MGMT: variants seen among roughly 807,000 people sequenced by gnomAD.
The protein encoded by MGMT is methylated-DNA--protein-cysteine methyltransferase.
MGMT carries 14 observed loss-of-function variants against 15.9 expected under a neutral mutation model. The ratio of observed to expected loss-of-function variants is 0.88; its 90% CI spans 0.58 to 1.37. The LOEUF (loss-of-function observed/expected upper bound fraction) is 1.37, where lower values mean the gene tolerates loss of function less well. Among genes scored for constraint, MGMT ranks in the 40% most tolerant of loss-of-function variants. The pLI is 0.00. For missense variants in MGMT, 282 were observed against 268.1 expected (o/e 1.05, Z -0.36); for synonymous variants, 130 against 118.2 (o/e 1.10, Z -0.65).
chr10:129,504,208 A>T (rs1433067309), intron 1 of MGMT, among the ~76,000 whole-genome samples: 1 of 152,254 alleles, frequency 6.6e-6, no homozygotes, highest in African/African-American at 2.4e-5. Context: ...AGGTGTATGT[A>T]CCTGGAACAC....
rs1191210306 is a variant in MGMT at position 129,659,015 on chromosome 10, A to G, written c.126-48880A>G. Among the ~76,000 whole-genome samples, 3 of 152,154 alleles carry G rather than the reference A, an allele frequency of 2.0e-5. No individual in the cohort carries two copies. Among genetic ancestry groups the G allele is most frequent in the Non-Finnish European group, 4.4e-5 (3 of 68,028 alleles). The stretch of plus-strand genomic sequence containing the variant: ...ACTAGCTTTGGATTTTGTGGCTGCA[A>G]CAATAACAAAAAAAAATCCTTGGTT... On this transcript the variant is annotated intron_variant, in intron 2 of 4. Coordinates refer to ENST00000651593, the MANE Select transcript of MGMT (RefSeq NM_002412.5). The surrounding 1 kb of genome is among the most constrained non-coding windows in gnomAD (Gnocchi z 4.1).
At chr10:129,507,693 A>G (rs2119689586) in intron 1 of MGMT, among the ~76,000 whole-genome samples, 1 of 152,310 alleles carries the variant, frequency 6.6e-6, no homozygotes, top group Admixed American at 6.5e-5. Context: ...GTGGGCCAAA[A>G]TGACAAATGG....
At chr10:129,587,326 T>G (rs892284216) in intron 2 of MGMT, among the ~76,000 whole-genome samples, 1 of 141,876 alleles carries the variant, frequency 7.0e-6, no homozygotes, top group Non-Finnish European at 1.6e-5. Context: ...ATTTTTTTGT[T>G]TTTTTTGCAG....
chr10:129,718,122 A>G lies in MGMT; in HGVS notation c.274+10079A>G, dbSNP rs148031248. Among the ~76,000 whole-genome samples, 1,169 of 152,344 alleles carry G rather than the reference A, an allele frequency of 7.7e-3. 6 individuals are homozygous for G. The highest frequency in any genetic ancestry group is 0.012 in the Non-Finnish European group (843 of 68,036). On this transcript the variant is annotated intron_variant, in intron 3 of 4. Transcript: ENST00000651593. The stretch of plus-strand genomic sequence containing the variant: ...TGACTTTGGTTTGGCCTCTGAGATA[A>G]TGTCTTGGTTTTAAGGCCAGGACTT...
At chr10:129,705,346 G>T (rs559217662) in intron 2 of MGMT, among the ~76,000 whole-genome samples, 13 of 152,352 alleles carry the variant, frequency 8.5e-5, no homozygotes, top group Admixed American at 8.5e-4. Flanking sequence ...TTTCTGAATG[G>T]ATGTGCCAGG....
intron 2 of MGMT, among the ~76,000 whole-genome samples, chr10:129,567,601 A>G (rs770089225): frequency 2.4e-4 from 36 of 151,948 alleles, no homozygotes; most frequent in Non-Finnish European, 4.3e-4. Context: ...GGGAAAAAAA[A>G]CCTCCTGGAG....
intron 2 of MGMT, among the ~76,000 whole-genome samples, chr10:129,671,220 T>C (rs938671928): frequency 2.0e-5 from 3 of 152,240 alleles, no homozygotes; most frequent in African/African-American, 7.2e-5. Context: ...CTTCCAATTA[T>C]TGTACTAATT....
chr10:129,627,731 T>TG (rs1262376128), intron 2 of MGMT, among the ~76,000 whole-genome samples: 2 of 152,364 alleles, frequency 1.3e-5, no homozygotes, highest in Admixed American at 6.5e-5. Context: ...ACGTTTCCAC[T>TG]GGGAATTATT....
chr10:129,680,375 G>A (rs1440989281), intron 2 of MGMT, among the ~76,000 whole-genome samples: 1 of 152,142 alleles, frequency 6.6e-6, no homozygotes, highest in African/African-American at 2.4e-5. Flanking sequence ...CCTTTCCAGC[G>A]CTGCAGTGGG....
At chr10:129,502,333 T>C (rs2119679236) in intron 1 of MGMT, among the ~76,000 whole-genome samples, 1 of 152,282 alleles carries the variant, frequency 6.6e-6, no homozygotes, top group East Asian at 1.9e-4. Context: ...AAGGAGTAAA[T>C]GAGATAACGC....
chr10:129,542,570 T>G (rs923049982), intron 2 of MGMT, among the ~76,000 whole-genome samples: 2 of 152,214 alleles, frequency 1.3e-5, no homozygotes, highest in African/African-American at 4.8e-5. Flanking sequence ...TGCGGCAAGT[T>G]CGGCTGTCTC....
chr10:129,472,316 C>T (rs904445009), intron 1 of MGMT, among the ~76,000 whole-genome samples: 5 of 152,026 alleles, frequency 3.3e-5, no homozygotes, highest in African/African-American at 1.2e-4. Flanking sequence ...TATGCTTATT[C>T]GGTCTACCCG....
At chr10:129,552,866 C>T (rs1431206451) in intron 2 of MGMT, among the ~76,000 whole-genome samples, 1 of 152,172 alleles carries the variant, frequency 6.6e-6, no homozygotes, top group Non-Finnish European at 1.5e-5. Context: ...CACCTTTTAA[C>T]GTTTTTTTCC....
chr10:129,577,469 A>G (rs1420175967), intron 2 of MGMT, among the ~76,000 whole-genome samples: 1 of 152,248 alleles, frequency 6.6e-6, no homozygotes, highest in East Asian at 1.9e-4. Context: ...GTGCTGGGAA[A>G]ACTGGCTAGC....
intron 2 of MGMT, among the ~76,000 whole-genome samples, chr10:129,606,662 C>T (rs56386704): frequency 1.3e-5 from 2 of 152,040 alleles, no homozygotes; most frequent in African/African-American, 2.4e-5. Context: ...TGTGGAGCCC[C>T]GGTAATTAAA....
At chr10:129,631,303 A>G (rs1272744709) in intron 2 of MGMT, among the ~76,000 whole-genome samples, 1 of 152,214 alleles carries the variant, frequency 6.6e-6, no homozygotes, top group East Asian at 1.9e-4. Context: ...TGTGTTAAAG[A>G]GCCAAATAGT....
At chr10:129,719,078 C>T (rs966482511) in intron 3 of MGMT, among the ~76,000 whole-genome samples, 23 of 151,958 alleles carry the variant, frequency 1.5e-4, no homozygotes, top group African/African-American at 2.9e-4. Flanking sequence ...TGTCCAGAGC[C>T]GATCTGTGTG....
intron 1 of MGMT, among the ~76,000 whole-genome samples, chr10:129,510,118 G>A (rs1845665401): frequency 6.6e-6 from 1 of 152,202 alleles, no homozygotes; most frequent in South Asian, 2.1e-4. Context: ...GAGAACACCA[G>A]TACCAGGACT....
chr10:129,622,500 T>TA (rs1368345846), intron 2 of MGMT, among the ~76,000 whole-genome samples: 1 of 152,244 alleles, frequency 6.6e-6, no homozygotes, highest in Non-Finnish European at 1.5e-5. Flanking sequence ...TATCTCATCT[T>TA]TCCTCTTTGA....
Sources: gnomAD v4.1 joint callset for allele counts (sites outside exome capture counted in the v4.1 genomes callset) on GRCh38, gnomAD v4.1.1 for gene constraint, Gnocchi (gnomAD v3.1) non-coding constraint, MANE v1.5 for transcripts, NCBI Gene and HGNC (gene_info 2026-07-23, HGNC 2026-07-21) for gene names.